The following ATP8B1 variants were observed in gnomAD, a reference collection of about 807,000 sequenced individuals.
ATP8B1 encodes the protein phospholipid-transporting ATPase IC.
A neutral mutation model predicts 149.9 loss-of-function variants in ATP8B1; 80 were observed. That is an observed-to-expected ratio of 0.53 (90% CI 0.45 to 0.64). The LOEUF (loss-of-function observed/expected upper bound fraction) is 0.64. ATP8B1 is among the 30% of genes least tolerant of loss of function. The probability of loss-of-function intolerance (pLI) is 0.00; values close to 1 mark genes in which losing one functional copy is unlikely to be tolerated. For missense variants in ATP8B1, 1,247 were observed against 1,552.6 expected (o/e 0.80, Z 3.31); for synonymous variants, 536 against 562.8 (o/e 0.95, Z 0.67).
intron 2 of ATP8B1, among the ~76,000 whole-genome samples, chr18:57,730,213 A>T (rs2079747595): frequency 6.6e-6 from 1 of 151,244 alleles, no homozygotes; most frequent in Non-Finnish European, 1.5e-5. Flanking sequence ...TCCAGATAGC[A>T]GAACCCAAGA....
chr18:57,699,700 G>A (rs927408824), intron 6 of ATP8B1, among the ~76,000 whole-genome samples: 56 of 151,068 alleles, frequency 3.7e-4, no homozygotes, highest in Admixed American at 3.5e-3. Context: ...CAGCCTGGGC[G>A]ACAGAGCGAG....
intron 1 of ATP8B1, among the ~76,000 whole-genome samples, chr18:57,734,853 C>G (rs997294051): frequency 3.3e-5 from 5 of 152,116 alleles, no homozygotes; most frequent in African/African-American, 9.7e-5. Context: ...TTTCCTAGGC[C>G]GACTATGAAT....
At chr18:57,795,606 T>C (rs1446169480) in intron 1 of ATP8B1, among the ~76,000 whole-genome samples, 1 of 152,126 alleles carries the variant, frequency 6.6e-6, no homozygotes, top group Non-Finnish European at 1.5e-5. Context: ...AAGCTAGTCA[T>C]AAAAGGGCAA....
Position 57,654,003 on chromosome 18 carries a change from G to C in ATP8B1, c.3004C>G (p.Leu1002Val). Residue 1002 changes from leucine to valine, a missense_variant, in exon 24 of 28, where the codon CTG (leucine) becomes GTG (valine). Around this residue, in one of 3 missense-constraint regions of ATP8B1, gnomAD observed 230 missense variants for 356.6 expected, o/e 0.65. Transcript: ENST00000648908. ...TGCGAGGCTCCTACCTGGTCGAGCA[G>C]CCCCATGAGGAGCACGGGCAGGCTG... ...YTSLPVLLMG[L>V]LDQDVSDKLS... 6.2e-7 allele frequency: 1 copy of C among 1,613,774 alleles called. No individual in the cohort carries two copies. Among genetic ancestry groups the C allele is most frequent in the Non-Finnish European group, 8.5e-7 (1 of 1,179,766 alleles).
chr18:57,692,034 T>TG (rs1422981943), intron 11 of ATP8B1, 37 bp from the exon 12 acceptor site: 7 of 1,585,822 alleles, frequency 4.4e-6, no homozygotes, highest in Admixed American at 1.8e-5. Flanking sequence ...ATTCTGAAGA[T>TG]GGATTTCCAA....
At chr18:57,780,137 G>C (rs2080344974) in intron 1 of ATP8B1, among the ~76,000 whole-genome samples, 1 of 152,004 alleles carries the variant, frequency 6.6e-6, no homozygotes, top group Non-Finnish European at 1.5e-5. Context: ...AAATTGTTTT[G>C]GAAGATGTCA....
intron 2 of ATP8B1, among the ~76,000 whole-genome samples, chr18:57,717,547 C>CAAAAA (rs1163024544): frequency 1.0e-4 from 2 of 19,928 alleles, no homozygotes; most frequent in African/African-American, 2.5e-4. Flanking sequence ...GACTCTGTCT[C>CAAAAA]AAAAAAAAAA....
At chr18:57,712,194 G>A (rs1049381439) in intron 2 of ATP8B1, among the ~76,000 whole-genome samples, 2 of 151,980 alleles carry the variant, frequency 1.3e-5, no homozygotes, top group Non-Finnish European at 2.9e-5. Flanking sequence ...AAAAAATCAG[G>A]CACTCACAGT....
At chr18:57,685,143 T>G (rs1441854117) in intron 13 of ATP8B1, 28 bp from the exon 14 acceptor site, 4 of 1,613,272 alleles carry the variant, frequency 2.5e-6, no homozygotes, top group Non-Finnish European at 3.4e-6. Context: ...CAAAACAAAT[T>G]GATTCTACAC....
Position 57,663,958 on chromosome 18 carries a change from G to C in ATP8B1, c.2286-1343C>G, listed in dbSNP as rs868372713. The stretch of plus-strand genomic sequence containing the variant: ...ATTTTTGTATTTTTAGTAGAGACAG[G>C]GTTTCACCATGTTGGCCAGGATGGT... On this transcript the variant is annotated intron_variant, in intron 20 of 27. Transcript: ENST00000648908. 1.4e-4 allele frequency among the ~76,000 whole-genome samples: 21 copies of C among 151,322 alleles called. 1 individual carries two copies. In the South Asian group the frequency reaches 2.5e-3, roughly 18 times the overall value.
At chr18:57,662,715 A>C in intron 20 of ATP8B1, 100 bp from the exon 21 acceptor site, 1 of 1,324,736 alleles carries the variant, frequency 7.5e-7, no homozygotes, top group Non-Finnish European at 1.1e-6. Flanking sequence ...CAAAAAAACA[A>C]AGTTTACCAT....
intron 1 of ATP8B1, among the ~76,000 whole-genome samples, chr18:57,776,510 G>A (rs2080306924): frequency 6.6e-6 from 1 of 151,870 alleles, no homozygotes; most frequent in African/African-American, 2.4e-5. Context: ...TTGGAGGGTG[G>A]GAGCCCACCC....
chr18:57,674,751 C>T, intron 16 of ATP8B1, 83 bp downstream of exon 16: 1 of 1,494,946 alleles, frequency 6.7e-7, no homozygotes, highest in Non-Finnish European at 9.3e-7. Flanking sequence ...TCACTGGCTG[C>T]TTTATCCTGA....
At chr18:57,716,802 G>A (rs2079587288) in intron 2 of ATP8B1, among the ~76,000 whole-genome samples, 1 of 152,048 alleles carries the variant, frequency 6.6e-6, no homozygotes, top group Admixed American at 6.6e-5. Context: ...AAAGAAACAT[G>A]GGACTTAATC....
Position 57,648,399 on chromosome 18 carries a change from G to A in ATP8B1, c.*89C>T, listed in dbSNP as rs571757518. The stretch of plus-strand genomic sequence containing the variant: ...TGTCTTCAATATCTTTGTGATGAAT[G>A]CAATTCACACACACACACAAAGTCC... On this transcript the variant is annotated 3_prime_UTR_variant, in exon 28 of 28. Transcript: ENST00000648908. 7.3e-7 allele frequency: 1 copy of A among 1,372,310 alleles called. No individual in the cohort carries two copies. Among genetic ancestry groups the A allele is most frequent in the Non-Finnish European group, 1.0e-6 (1 of 966,144 alleles). 85.0% of individuals were successfully genotyped at this position (1,372,310 alleles called of 1,614,324 possible). A position where few individuals can be genotyped will look rare whatever the true frequency, so the allele number is the denominator to read the frequency against.
At chr18:57,688,245 G>A (rs1284281458) in intron 13 of ATP8B1, 54 bp downstream of exon 13, 1 of 1,560,498 alleles carries the variant, frequency 6.4e-7, no homozygotes, top group African/African-American at 1.4e-5. Flanking sequence ...GTAATGACCT[G>A]CACACGGCAG....
At chr18:57,660,816 CA>C in intron 22 of ATP8B1, among the ~76,000 whole-genome samples, 2 of 152,100 alleles carry the variant, frequency 1.3e-5, no homozygotes, top group South Asian at 4.2e-4. Flanking sequence ...TGTGCCCAGC[CA>C]ATATCAGGGC....
At chr18:57,711,781 G>C (rs1392664027) in intron 2 of ATP8B1, among the ~76,000 whole-genome samples, 2 of 152,048 alleles carry the variant, frequency 1.3e-5, no homozygotes, top group Middle Eastern at 3.2e-3. Context: ...GTAAAGATGA[G>C]GTCTTGCTTT....
chr18:57,727,303 G>C (rs2079718606), intron 2 of ATP8B1, among the ~76,000 whole-genome samples: 1 of 152,124 alleles, frequency 6.6e-6, no homozygotes, highest in South Asian at 2.1e-4. Flanking sequence ...CCCATATGTG[G>C]TATGTGCCGA....
Sources: allele counts gnomAD v4.1 joint callset (sites outside exome capture counted in the v4.1 genomes callset), GRCh38; gene constraint gnomAD v4.1.1; regional missense constraint gnomAD v4.1.1; transcripts MANE v1.5; gene names NCBI Gene and HGNC (gene_info 2026-07-23, HGNC 2026-07-21).